Variants in SCIMP observed in about 807,000 individuals in gnomAD.
The protein encoded by SCIMP is SLP adapter and CSK-interacting membrane protein.
SCIMP carries 18 observed loss-of-function variants against 22.0 expected under a neutral mutation model. The ratio of observed to expected loss-of-function variants is 0.82; its 90% CI spans 0.56 to 1.21. SCIMP has a LOEUF of 1.21. SCIMP is among the 50% of genes most tolerant of loss of function. SCIMP has a pLI of 0.00. For synonymous variants in SCIMP, 53 were observed against 62.2 expected (o/e 0.85, Z 0.70); for missense variants, 155 against 171.2 (o/e 0.91, Z 0.53).
At chr17:5,227,740 C>A (rs891135745) in intron 1 of SCIMP, among the ~76,000 whole-genome samples, 38 of 152,184 alleles carry the variant, frequency 2.5e-4, no homozygotes, top group African/African-American at 9.2e-4. Context: ...CAGCCCAGTC[C>A]CCATCCCCCA....
Position 5,210,065 on chromosome 17 carries a change from T to C in SCIMP, c.*736A>G, listed in dbSNP as rs1397386330. 1.3e-5 allele frequency: 2 copies of C among 152,226 alleles called. No homozygotes were observed. Among genetic ancestry groups the C allele is most frequent in the African/African-American group, 2.4e-5 (1 of 41,456 alleles). The allele number at this position is 152,226 out of a possible 1,614,324, so 9.4% of individuals were successfully genotyped here. On this transcript the variant is annotated 3_prime_UTR_variant, in exon 5 of 5. Transcript: ENST00000574081. ...CACACCTATTGCAAAATGATGCTTCTAGGTGTAAATCAGAAGGTAACTTTT... is the reference window on the plus strand; with the variant it reads ...CACACCTATTGCAAAATGATGCTTCCAGGTGTAAATCAGAAGGTAACTTTT...
rs10554192 is a variant in SCIMP at position 5,217,380 on chromosome 17, TTGTGTGTG to T, written c.210-2390_210-2383del. ...CCCAGTTTTATTCTTTTTTGTTTGC[TTGTGTGTG>T]TGTGTGTGTGTGTGTGTGTGTGTTT... On this transcript the variant is annotated intron_variant, in intron 3 of 4. Coordinates refer to ENST00000574081, the MANE Select transcript of SCIMP (RefSeq NM_207103.3). Among the ~76,000 whole-genome samples, 536 of 149,038 alleles carry T rather than the reference TTGTGTGTG, an allele frequency of 3.6e-3. 4 individuals are homozygous for T. The highest frequency in any genetic ancestry group is 0.013 in the African/African-American group (505 of 40,300).
chr17:5,222,058 C>T (rs1281139267), intron 2 of SCIMP, among the ~76,000 whole-genome samples: 2 of 151,032 alleles, frequency 1.3e-5, no homozygotes, highest in Non-Finnish European at 1.5e-5. Context: ...AGATTACAGG[C>T]GTGGGCCACT....
At chr17:5,222,141 G>A (rs1402630095) in intron 2 of SCIMP, among the ~76,000 whole-genome samples, 2 of 150,316 alleles carry the variant, frequency 1.3e-5, no homozygotes, top group East Asian at 1.9e-4. Context: ...CCAGACTGGA[G>A]GGCAGTGATG....
intron 1 of SCIMP, 24 bp from the exon 2 acceptor site, chr17:5,223,480 A>G (rs2144329855): frequency 1.2e-6 from 2 of 1,612,370 alleles, no homozygotes; most frequent in Admixed American, 1.7e-5. Context: ...AGAGAGAAGA[A>G]TGAGGTATGA....
At chr17:5,218,630 C>A (rs1273482224) in intron 3 of SCIMP, among the ~76,000 whole-genome samples, 1 of 152,128 alleles carries the variant, frequency 6.6e-6, no homozygotes, top group Non-Finnish European at 1.5e-5. Context: ...TGAGCTGCTG[C>A]ACCTGGCCCC....
intron 2 of SCIMP, 108 bp from the exon 3 acceptor site, chr17:5,221,458 C>A: frequency 1.2e-6 from 1 of 834,736 alleles, no homozygotes; most frequent in Non-Finnish European, 2.0e-6. Context: ...AATGATAGAG[C>A]CGGACTTAGA....
intron 4 of SCIMP, among the ~76,000 whole-genome samples, chr17:5,211,190 C>T (rs1350724454): frequency 6.6e-6 from 1 of 152,188 alleles, no homozygotes; most frequent in African/African-American, 2.4e-5. Flanking sequence ...CTGCCTAAGC[C>T]TGCACTGCAT....
chr17:5,226,504 C>CTTTTT lies in SCIMP; in HGVS notation c.22-3049_22-3048insAAAAA, dbSNP rs1567842763. On this transcript the variant is annotated intron_variant, in intron 1 of 4. Transcript: ENST00000574081. ...GCACTTTTTCTTTTCTTTTTTCTTTCTTTCTTTTTTTTTTTTTTGAGATGA... is the reference window on the plus strand; with the variant it reads ...GCACTTTTTCTTTTCTTTTTTCTTTCTTTTTTTTCTTTTTTTTTTTTTTGAGATGA... Among the ~76,000 whole-genome samples the CTTTTT allele has an allele frequency of 1.7e-5, 2 of 116,880 alleles. 1 individual carries two copies. The allele number at this position is 116,880 out of a possible 152,430, so 76.7% of individuals were successfully genotyped here. A position where few individuals can be genotyped will look rare whatever the true frequency, so the allele number is the denominator to read the frequency against.
At chr17:5,232,051 G>A (rs886686341) in intron 1 of SCIMP, among the ~76,000 whole-genome samples, 23 of 129,750 alleles carry the variant, frequency 1.8e-4, no homozygotes, top group Non-Finnish European at 2.4e-4. Context: ...GCGAGACTCC[G>A]TCTCAAAAAC....
intron 1 of SCIMP, among the ~76,000 whole-genome samples, chr17:5,232,891 T>C (rs554964551): frequency 6.6e-6 from 1 of 152,216 alleles, no homozygotes; most frequent in South Asian, 2.1e-4. Flanking sequence ...TGTGTATTTT[T>C]AGTAGAGATG....
chr17:5,232,042 C>T (rs771431036), intron 1 of SCIMP, among the ~76,000 whole-genome samples: 78 of 147,978 alleles, frequency 5.3e-4, no homozygotes, highest in South Asian at 1.7e-3. Context: ...GGCGACAGAG[C>T]GAGACTCCGT....
intron 4 of SCIMP, chr17:5,213,902 T>C (rs1220971118): frequency 6.6e-6 from 1 of 152,120 alleles, no homozygotes; most frequent in East Asian, 1.9e-4. Flanking sequence ...ACAGACTGAA[T>C]GTTTGTGTCC....
At chr17:5,230,569 C>T (rs1046347210) in intron 1 of SCIMP, among the ~76,000 whole-genome samples, 2 of 152,094 alleles carry the variant, frequency 1.3e-5, no homozygotes, top group Non-Finnish European at 2.9e-5. Flanking sequence ...CTAGATTAGG[C>T]CTGCAGAACT....
At chr17:5,211,566 C>G (rs2074525890) in intron 4 of SCIMP, among the ~76,000 whole-genome samples, 1 of 151,982 alleles carries the variant, frequency 6.6e-6, no homozygotes, top group Non-Finnish European at 1.5e-5. Context: ...AGACCAGAGC[C>G]CAGTAGTCAT....
intron 1 of SCIMP, among the ~76,000 whole-genome samples, chr17:5,223,956 G>A (rs141144469): frequency 2.6e-5 from 4 of 152,304 alleles, no homozygotes; most frequent in African/African-American, 7.2e-5. Flanking sequence ...CATGTCACTC[G>A]ACCTTCTGTG....
chr17:5,210,040 C>A lies in SCIMP; in HGVS notation c.*761G>T, dbSNP rs1430007948. Reference sequence around the variant, plus strand: ...TGTATTTTTCCTGTAGCACCCCCAACACACCTATTGCAAAATGATGCTTCT... The same window carrying A: ...TGTATTTTTCCTGTAGCACCCCCAAAACACCTATTGCAAAATGATGCTTCT... On this transcript the variant is annotated 3_prime_UTR_variant, in exon 5 of 5. Transcript: ENST00000574081. The A allele has an allele frequency of 6.6e-6, 1 of 152,194 alleles. No homozygotes were observed. Among genetic ancestry groups the A allele is most frequent in the East Asian group, 1.9e-4 (1 of 5,202 alleles). 9.4% of individuals were successfully genotyped at this position (152,194 alleles called of 1,614,324 possible). A position where few individuals can be genotyped will look rare whatever the true frequency, so the allele number is the denominator to read the frequency against.
chr17:5,232,122 C>G (rs1432293350), intron 1 of SCIMP, among the ~76,000 whole-genome samples: 2 of 151,946 alleles, frequency 1.3e-5, no homozygotes, highest in Non-Finnish European at 2.9e-5. Context: ...GAATGGGCCT[C>G]ATTTGGTATC....
At position 5,223,402 on chromosome 17, in the gene SCIMP, C is replaced by T. The variant is rs772619885; in HGVS notation, c.76G>A (p.Ala26Thr). 32 of 1,613,566 alleles carry T rather than the reference C, an allele frequency of 2.0e-5. No homozygotes were observed. The highest frequency in any genetic ancestry group is 2.5e-5 in the Non-Finnish European group (29 of 1,179,624). The part of the protein sequence containing the change: ...RNNFWIILAV[A>T]IIVVSVGLGL... Reference sequence around the variant, plus strand: ...AGACCCACAGAGACAACGATGATGGCCACAGCTAAGATGATCCAGAAATTA... The same window carrying T: ...AGACCCACAGAGACAACGATGATGGTCACAGCTAAGATGATCCAGAAATTA... The change falls in exon 2 of 5, where the codon GCC becomes ACC. Residue 26 changes from alanine to threonine, a missense_variant. Transcript: ENST00000574081.
Sources: allele counts gnomAD v4.1 joint callset (sites outside exome capture counted in the v4.1 genomes callset), GRCh38; gene constraint gnomAD v4.1.1; transcripts MANE v1.5; gene names NCBI Gene and HGNC (gene_info 2026-07-23, HGNC 2026-07-21).